The following IDE variants were observed in gnomAD, a reference collection of about 807,000 sequenced individuals.
The protein encoded by IDE is insulin-degrading enzyme.
In IDE, 58 loss-of-function variants were observed where a neutral mutation model predicts 133.2. That is an observed-to-expected ratio of 0.44 (90% CI 0.35 to 0.54). The LOEUF (loss-of-function observed/expected upper bound fraction) is 0.54, where lower values mean the gene tolerates loss of function less well. Among genes scored for constraint, IDE ranks in the 20% least tolerant of loss-of-function variants. IDE has a pLI of 0.00. For missense variants in IDE, 981 were observed against 1,234.0 expected (o/e 0.79, Z 3.07); for synonymous variants, 396 against 421.3 (o/e 0.94, Z 0.73).
rs186341691 is a variant in IDE at position 92,475,843 on chromosome 10, T to C, written c.1995+41A>G. The C allele has an allele frequency of 7.7e-4, 559 of 728,136 alleles. 1 individual carries two copies. The African/African-American group carries it at 9.2e-3, about 12-fold the overall frequency. 45.1% of individuals were successfully genotyped at this position (728,136 alleles called of 1,614,324 possible). On this transcript the variant is annotated intron_variant, in intron 16 of 24. Transcript: ENST00000265986. The stretch of plus-strand genomic sequence containing the variant: ...ATGAAAACTTTTTATAATATAGCAA[T>C]ATTATCTTATGAATAAAAAAGCAGG...
intron 13 of IDE, among the ~76,000 whole-genome samples, 156 bp downstream of exon 13, chr10:92,487,040 T>C (rs1847038753): frequency 6.6e-6 from 1 of 152,204 alleles, no homozygotes; most frequent in Admixed American, 6.5e-5. Flanking sequence ...CCTTCTAATA[T>C]TTTTTGTAGT....
chr10:92,536,320 C>T (rs11187057), intron 2 of IDE, among the ~76,000 whole-genome samples: 39,635 of 147,530 alleles, frequency 0.27, 5,504 homozygotes, highest in Admixed American at 0.31. Flanking sequence ...GAGGTGGAGG[C>T]TGCAGTCAGC....
chr10:92,556,046 G>A (rs984793494), intron 1 of IDE, among the ~76,000 whole-genome samples: 16 of 151,526 alleles, frequency 1.1e-4, no homozygotes, highest in African/African-American at 2.9e-4. Flanking sequence ...GGTGGCGGGC[G>A]CCTGTAGTCC....
intron 4 of IDE, among the ~76,000 whole-genome samples, chr10:92,526,799 T>C (rs996080624): frequency 4.0e-5 from 6 of 148,606 alleles, no homozygotes; most frequent in Admixed American, 2.7e-4. Context: ...AGTGCCAAGA[T>C]TGCACCACTG....
At chr10:92,509,241 T>TGGGGG (rs1228651826) in intron 6 of IDE, among the ~76,000 whole-genome samples, 3 of 152,238 alleles carry the variant, frequency 2.0e-5, no homozygotes, top group African/African-American at 7.2e-5. Context: ...GATATGTTTT[T>TGGGGG]GGTGATTCAT....
chr10:92,479,499 A>G, intron 14 of IDE, 78 bp from the exon 15 acceptor site: 1 of 1,043,834 alleles, frequency 9.6e-7, no homozygotes, highest in Admixed American at 1.9e-5. Context: ...ATGGATCAAG[A>G]TATTGAACAC....
intron 1 of IDE, among the ~76,000 whole-genome samples, chr10:92,563,368 C>A (rs989094615): frequency 2.0e-5 from 3 of 151,414 alleles, no homozygotes; most frequent in African/African-American, 7.3e-5. Context: ...AGGAGAATCA[C>A]TTGAATCTGG....
intron 1 of IDE, among the ~76,000 whole-genome samples, chr10:92,566,742 A>G (rs940619031): frequency 6.6e-6 from 1 of 152,164 alleles, no homozygotes; most frequent in African/African-American, 2.4e-5. Context: ...AAAATAACTA[A>G]AAGAGTTTAA....
At chr10:92,517,824 G>A (rs1849007312) in intron 4 of IDE, among the ~76,000 whole-genome samples, 1 of 152,222 alleles carries the variant, frequency 6.6e-6, no homozygotes, top group Middle Eastern at 3.4e-3. Flanking sequence ...GCTGAGGCAT[G>A]AGAATCACTT....
In IDE at chr10:92,451,873, A is replaced by G. The variant is rs1397196117; in HGVS notation, c.*2571T>C. 2 of 152,240 alleles carry G rather than the reference A, an allele frequency of 1.3e-5. No homozygotes were observed. The highest frequency in any genetic ancestry group is 2.9e-5 in the Non-Finnish European group (2 of 68,040). 9.4% of individuals were successfully genotyped at this position (152,240 alleles called of 1,614,324 possible). ...AGCTGGAGATGTGGCAAGAAGATGT[A>G]AGGACTCATTGTAGAGGAGAGAAAT... On this transcript the variant is annotated 3_prime_UTR_variant, in exon 25 of 25. Transcript: ENST00000265986.
intron 11 of IDE, among the ~76,000 whole-genome samples, chr10:92,501,655 C>A (rs1270237529): frequency 7.0e-6 from 1 of 142,404 alleles, no homozygotes; most frequent in Non-Finnish European, 1.5e-5. Flanking sequence ...GGTGACACAG[C>A]GAGACTCCGT....
At chr10:92,563,258 G>GA (rs1016453292) in intron 1 of IDE, among the ~76,000 whole-genome samples, 23 of 144,510 alleles carry the variant, frequency 1.6e-4, no homozygotes, top group East Asian at 5.9e-4. Context: ...CCTCGGGGGG[G>GA]AAAAAACCAT....
chr10:92,562,988 C>T (rs142790751), intron 1 of IDE, among the ~76,000 whole-genome samples: 5,433 of 152,158 alleles, frequency 0.036, 368 homozygotes, highest in African/African-American at 0.12. Flanking sequence ...CAGTGGCTCA[C>T]GCCTGTAATC....
chr10:92,568,186 T>G (rs1247752179), intron 1 of IDE, among the ~76,000 whole-genome samples: 2 of 152,158 alleles, frequency 1.3e-5, no homozygotes, highest in Admixed American at 6.6e-5. Context: ...GTAGGAAGTT[T>G]ATTACTCAAA....
chr10:92,512,556 G>C (rs1047169832), intron 5 of IDE, among the ~76,000 whole-genome samples: 12 of 127,084 alleles, frequency 9.4e-5, no homozygotes, highest in Non-Finnish European at 2.0e-4. Context: ...ATACAACATA[G>C]ATTAAAAAAA....
chr10:92,476,130 C>A, intron 15 of IDE, 136 bp from the exon 16 acceptor site: 1 of 584,002 alleles, frequency 1.7e-6, no homozygotes, highest in Non-Finnish European at 3.0e-6. Flanking sequence ...TTTAATGTGT[C>A]ATAAATATAT....
chr10:92,478,681 C>T (rs1846423059), intron 15 of IDE: 7 of 1,272,898 alleles, frequency 5.5e-6, no homozygotes, highest in African/African-American at 1.5e-5. Context: ...TGCCATAGCT[C>T]AAACCTGAGA....
intron 11 of IDE, among the ~76,000 whole-genome samples, chr10:92,498,708 A>G (rs891697150): frequency 6.6e-6 from 1 of 152,210 alleles, no homozygotes; most frequent in Non-Finnish European, 1.5e-5. Context: ...GTGAGCCAAG[A>G]TCGTGCCATT....
chr10:92,486,893 A>G (rs1847030826), intron 13 of IDE, among the ~76,000 whole-genome samples: 1 of 152,232 alleles, frequency 6.6e-6, no homozygotes, highest in African/African-American at 2.4e-5. Context: ...TTGGGTCTTC[A>G]GCAGACATGG....
Sources: allele counts gnomAD v4.1 joint callset (sites outside exome capture counted in the v4.1 genomes callset), GRCh38; gene constraint gnomAD v4.1.1; transcripts MANE v1.5; gene names NCBI Gene and HGNC (gene_info 2026-07-23, HGNC 2026-07-21).